RNF216: variants seen among roughly 807,000 people sequenced by gnomAD.
The protein encoded by RNF216 is ring finger protein 216.
A neutral mutation model predicts 110.8 loss-of-function variants in RNF216; 72 were observed. The ratio of observed to expected loss-of-function variants is 0.65; its 90% confidence interval spans 0.54 to 0.79. The LOEUF (loss-of-function observed/expected upper bound fraction) is 0.79, where lower values mean the gene tolerates loss of function less well. RNF216 is among the 30% of genes least tolerant of loss of function. The probability of loss-of-function intolerance (pLI) is 0.00; values close to 1 mark genes in which losing one functional copy is unlikely to be tolerated. For synonymous variants in RNF216, 495 were observed against 407.5 expected, an observed-to-expected ratio of 1.21 and a Z score of -2.59; for missense variants, 1,342 against 1,141.2, an observed-to-expected ratio of 1.18 and a Z score of -2.54.
chr7:5,687,440 G>C (rs1428322122), intron 13 of RNF216, among the ~76,000 whole-genome samples: 1 of 140,708 alleles, frequency 7.1e-6, no homozygotes. Context: ...AGAAAGAAAA[G>C]AAATTAAGGG....
At chr7:5,641,932 T>C (rs1474929493) in intron 14 of RNF216, among the ~76,000 whole-genome samples, 8 of 150,020 alleles carry the variant, frequency 5.3e-5, no homozygotes, top group East Asian at 4.0e-4. Context: ...ACTTGGGAGG[T>C]TGAGGCAGGA....
intron 13 of RNF216, among the ~76,000 whole-genome samples, chr7:5,673,708 T>C (rs753214328): frequency 1.1e-4 from 16 of 152,104 alleles, no homozygotes; most frequent in Non-Finnish European, 2.2e-4. Context: ...TGACCTTGTC[T>C]CTACAAAAAA....
At position 5,704,236 on chromosome 7, in the gene RNF216, G is replaced by C. The variant is rs554993772; in HGVS notation, c.2061+7525C>G. ...CTTATATTAATACGTTTATATTAAT[G>C]CCGTATTAATATAAACGCCTCATTT... is the stretch of plus-strand genomic sequence containing the variant. On this transcript the variant is annotated intron_variant, in intron 13 of 16. Transcript: ENST00000389902. Among the ~76,000 whole-genome samples the C allele has an allele frequency of 2.6e-5, 4 of 152,218 alleles. No individual in the cohort carries two copies. In the South Asian group the frequency reaches 8.3e-4, roughly 32 times the overall value.
chr7:5,622,691 A>G lies in RNF216; in HGVS notation c.*169T>C. The G allele has an allele frequency of 1.5e-6, 1 of 673,196 alleles. No homozygotes were observed. Among genetic ancestry groups the G allele is most frequent in the Non-Finnish European group, 2.5e-6 (1 of 396,004 alleles). The allele number at this position is 673,196 out of a possible 1,614,324, so 41.7% of individuals were successfully genotyped here. ...GGACGTCTTTATTATGGATCCGTCCACTCTTCCAGGAGCAGTAGCCCTTCT... is the reference window on the plus strand; with the variant it reads ...GGACGTCTTTATTATGGATCCGTCCGCTCTTCCAGGAGCAGTAGCCCTTCT... On this transcript the variant is annotated 3_prime_UTR_variant, in exon 17 of 17. Transcript: ENST00000389902.
At chr7:5,707,363 T>C (rs1034545293) in intron 13 of RNF216, among the ~76,000 whole-genome samples, 5 of 152,240 alleles carry the variant, frequency 3.3e-5, no homozygotes, top group Non-Finnish European at 5.9e-5. Context: ...CTTGGTTAAG[T>C]TGTTCCTAAG....
chr7:5,695,451 G>A (rs916378846), intron 13 of RNF216, among the ~76,000 whole-genome samples: 2 of 152,146 alleles, frequency 1.3e-5, no homozygotes, highest in Non-Finnish European at 2.9e-5. Flanking sequence ...CTGCTGCCTC[G>A]GAGCCCGGAC....
chr7:5,668,507 G>A (rs935224172), intron 13 of RNF216, among the ~76,000 whole-genome samples: 3 of 152,006 alleles, frequency 2.0e-5, no homozygotes, highest in Non-Finnish European at 4.4e-5. Flanking sequence ...ACAGATGTGA[G>A]CCACCGTGCC....
Position 5,741,020 on chromosome 7 carries a change from C to G in RNF216, c.997G>C (p.Ala333Pro). The G allele has an allele frequency of 6.2e-7, 1 of 1,613,448 alleles. No individual in the cohort carries two copies. Among genetic ancestry groups the G allele is most frequent in the Non-Finnish European group, 8.5e-7 (1 of 1,179,804 alleles). ...ACGAGCTCTTGATCTACCTCTGCAG[C>G]TTCTTGCCCCCAAATGTTTTCCAAA... Reference protein sequence around the residue: ...PNLENIWGQEAAEVDQELVEL... With the variant: ...PNLENIWGQEPAEVDQELVEL... Residue 333 changes from alanine (A) to proline (P), a missense_variant, in exon 4 of 17, where the codon GCT becomes CCT. Coordinates refer to ENST00000389902, the MANE Select transcript of RNF216 (RefSeq NM_207111.4).
At chr7:5,760,042 G>GA (rs1472922982) in intron 2 of RNF216, among the ~76,000 whole-genome samples, 2 of 152,066 alleles carry the variant, frequency 1.3e-5, no homozygotes, top group African/African-American at 4.8e-5. Flanking sequence ...CTCTTCCATG[G>GA]AATTTATAAT....
intron 13 of RNF216, among the ~76,000 whole-genome samples, chr7:5,684,590 G>A (rs545698668): frequency 6.6e-6 from 1 of 152,268 alleles, no homozygotes; most frequent in African/African-American, 2.4e-5. Context: ...CTGATGTCAG[G>A]GGCAGTAAAG....
chr7:5,666,114 G>T (rs566555116), intron 13 of RNF216, among the ~76,000 whole-genome samples: 1 of 151,052 alleles, frequency 6.6e-6, no homozygotes, highest in African/African-American at 2.4e-5. Context: ...TGCAGTGAGT[G>T]GAGATCACGC....
At chr7:5,643,035 C>G (rs188207418) in intron 14 of RNF216, among the ~76,000 whole-genome samples, 1 of 151,964 alleles carries the variant, frequency 6.6e-6, no homozygotes, top group Non-Finnish European at 1.5e-5. Flanking sequence ...CTTGCTCATC[C>G]GATCTGTCTG....
rs1171673913 is a variant in RNF216, at chr7:5,680,623, C to T, written c.2062-28113G>A. 2.0e-5 allele frequency among the ~76,000 whole-genome samples: 3 copies of T among 152,140 alleles called. No homozygotes were observed. The highest frequency in any genetic ancestry group is 2.1e-4 in the South Asian group (1 of 4,800). ...TTCACCATGTTGGCCAGGATGGTCT[C>T]GATCTCCTGACCTTGTGATCTGCCC... is the stretch of plus-strand genomic sequence containing the variant. On this transcript the variant is annotated intron_variant, in intron 13 of 16. Transcript: ENST00000389902. This position sits in a 1 kb window ranked among gnomAD's most constrained non-coding sequence, Gnocchi z 4.3.
chr7:5,651,041 G>A (rs1351287125), intron 14 of RNF216, among the ~76,000 whole-genome samples: 3 of 152,136 alleles, frequency 2.0e-5, no homozygotes, highest in Non-Finnish European at 4.4e-5. Flanking sequence ...AATGCGATAC[G>A]AGCGGAAGTG....
intron 13 of RNF216, among the ~76,000 whole-genome samples, chr7:5,675,672 G>A (rs1790236813): frequency 6.6e-6 from 1 of 151,304 alleles, no homozygotes. Flanking sequence ...ACGAACAAAG[G>A]AGCAAGGTCA....
chr7:5,636,294 G>A (rs572501727), intron 15 of RNF216, among the ~76,000 whole-genome samples: 1 of 152,244 alleles, frequency 6.6e-6, no homozygotes, highest in African/African-American at 2.4e-5. Flanking sequence ...GTTCGCTTCT[G>A]GTTTTTTGCT....
At chr7:5,632,723 G>A (rs1787148413) in intron 15 of RNF216, among the ~76,000 whole-genome samples, 1 of 152,102 alleles carries the variant, frequency 6.6e-6, no homozygotes, top group African/African-American at 2.4e-5. Context: ...GTTGCAGTGA[G>A]CCAAGATCAC....
chr7:5,644,827 C>CTTTTTTTT (rs59440013), intron 14 of RNF216, among the ~76,000 whole-genome samples: 3 of 135,936 alleles, frequency 2.2e-5, no homozygotes, highest in Admixed American at 7.4e-5. Context: ...TTCTTTTTTT[C>CTTTTTTTT]TTTTTTTTTT....
intron 2 of RNF216, among the ~76,000 whole-genome samples, chr7:5,759,344 G>A (rs1795809948): frequency 6.6e-6 from 1 of 152,002 alleles, no homozygotes; most frequent in Non-Finnish European, 1.5e-5. Flanking sequence ...CTAATACAAT[G>A]ACCAACCCCT....
Sources: gnomAD v4.1 joint callset for allele counts (sites outside exome capture counted in the v4.1 genomes callset) on GRCh38, gnomAD v4.1.1 for gene constraint, Gnocchi (gnomAD v3.1) non-coding constraint, MANE v1.5 for transcripts, NCBI Gene and HGNC (gene_info 2026-07-23, HGNC 2026-07-21) for gene names.